Variants in MDFIC observed in about 807,000 individuals in gnomAD.
The protein encoded by MDFIC is MyoD family inhibitor domain containing.
A neutral mutation model predicts 23.2 loss-of-function variants in MDFIC; 17 were observed. The ratio of observed to expected loss-of-function variants is 0.73; its 90% CI spans 0.50 to 1.10. The LOEUF is 1.10. Ranked by LOEUF, MDFIC falls within the 50% of genes least tolerant of loss-of-function variation. The pLI, the probability that MDFIC is intolerant of heterozygous loss-of-function variation, is 0.00. For synonymous variants in MDFIC, 120 were observed against 115.2 expected (o/e 1.04, Z -0.27); for missense variants, 356 against 316.6 (o/e 1.12, Z -0.95).
chr7:114,981,406 A>G (rs1334807969), intron 4 of MDFIC, among the ~76,000 whole-genome samples: 1 of 152,174 alleles, frequency 6.6e-6, no homozygotes, highest in Non-Finnish European at 1.5e-5. Flanking sequence ...CATACGAAGG[A>G]GGAAGAAAAT....
chr7:114,922,464 G>C lies in MDFIC; in HGVS notation c.-280G>C. On this transcript the variant is annotated 5_prime_UTR_variant, in exon 1 of 5. Transcript: ENST00000393486. ...CCGCTGCCGCAGTTGCCGCCACTGC[G>C]GCGTCTGGGCTGAGCCGGAGGGAGG... The C allele has an allele frequency of 8.0e-7, 1 of 1,246,420 alleles. No homozygotes were observed. Among genetic ancestry groups the C allele is most frequent in the Non-Finnish European group, 1.0e-6 (1 of 989,350 alleles). 77.2% of individuals were successfully genotyped at this position (1,246,420 alleles called of 1,614,324 possible). A position where few individuals can be genotyped will look rare whatever the true frequency, so the allele number is the denominator to read the frequency against.
At chr7:115,002,146 A>AAAAC (rs149240333) in intron 4 of MDFIC, among the ~76,000 whole-genome samples, 9 of 152,076 alleles carry the variant, frequency 5.9e-5, no homozygotes, top group South Asian at 2.1e-4. Flanking sequence ...CAAAAAACAA[A>AAAAC]AAACAAACAA....
chr7:115,012,541 G>A (rs1791701426), intron 4 of MDFIC, among the ~76,000 whole-genome samples: 1 of 152,276 alleles, frequency 6.6e-6, no homozygotes, highest in African/African-American at 2.4e-5. Flanking sequence ...TTAAAGATGA[G>A]CAAGCCTGTG....
At chr7:114,989,841 T>C (rs532620762) in intron 4 of MDFIC, among the ~76,000 whole-genome samples, 101 of 152,262 alleles carry the variant, frequency 6.6e-4, no homozygotes, top group African/African-American at 2.0e-3. Context: ...TTATTGAGTT[T>C]GAATGGAGGG....
rs115394393 is a variant in MDFIC at position 115,002,466 on chromosome 7, T to A, written c.494-13222T>A. 9.8e-3 allele frequency among the ~76,000 whole-genome samples: 1,491 copies of A among 152,338 alleles called. 17 individuals carry two copies. The highest frequency in any genetic ancestry group is 0.033 in the African/African-American group (1,359 of 41,568). ...ACAAATCATTCTTGAGCACTTACTC[T>A]GTGGCAGATAAGTGCCACACTCTTC... On this transcript the variant is annotated intron_variant, in intron 4 of 4. Transcript: ENST00000393486.
chr7:115,008,966 C>T (rs573997225), intron 4 of MDFIC, among the ~76,000 whole-genome samples: 1 of 152,312 alleles, frequency 6.6e-6, no homozygotes, highest in African/African-American at 2.4e-5. Context: ...TGGGGAACAA[C>T]TGGGGGTGCT....
intron 4 of MDFIC, among the ~76,000 whole-genome samples, chr7:115,011,173 C>G (rs1235333739): frequency 6.6e-6 from 1 of 152,160 alleles, no homozygotes; most frequent in Non-Finnish European, 1.5e-5. Context: ...GATCCTGTTT[C>G]TGCTACTCAC....
intron 3 of MDFIC, among the ~76,000 whole-genome samples, chr7:114,953,865 A>G (rs1046275918): frequency 6.6e-6 from 1 of 152,194 alleles, no homozygotes; most frequent in Admixed American, 6.5e-5. Flanking sequence ...TTGTTATACT[A>G]TATTGTCTAG....
intron 3 of MDFIC, among the ~76,000 whole-genome samples, chr7:114,944,826 T>C (rs1019431122): frequency 1.1e-4 from 17 of 152,174 alleles, no homozygotes; most frequent in African/African-American, 3.1e-4. Flanking sequence ...GAGGGGAACA[T>C]CTGTGTTGAG....
chr7:114,957,840 C>A (rs1792912682), intron 3 of MDFIC, among the ~76,000 whole-genome samples: 1 of 152,106 alleles, frequency 6.6e-6, no homozygotes. Flanking sequence ...TATTTATAGG[C>A]CTGCTAGGAA....
At chr7:114,966,021 G>T (rs1793088331) in intron 3 of MDFIC, among the ~76,000 whole-genome samples, 2 of 152,208 alleles carry the variant, frequency 1.3e-5, no homozygotes, top group South Asian at 4.1e-4. Flanking sequence ...CTTCTAGAGA[G>T]AATGTTTAAA....
At chr7:114,973,406 T>C (rs1793247508) in intron 3 of MDFIC, among the ~76,000 whole-genome samples, 1 of 152,026 alleles carries the variant, frequency 6.6e-6, no homozygotes, top group Non-Finnish European at 1.5e-5. Context: ...AAACAAAGTA[T>C]AGAGAGGGCA....
intron 3 of MDFIC, among the ~76,000 whole-genome samples, chr7:114,969,682 T>C (rs575872876): frequency 7.2e-5 from 11 of 152,260 alleles, no homozygotes; most frequent in African/African-American, 2.2e-4. Flanking sequence ...TATGGTCTTG[T>C]TTTTGGCTGA....
intron 3 of MDFIC, among the ~76,000 whole-genome samples, chr7:114,975,280 A>C (rs1793289058): frequency 6.6e-6 from 1 of 152,088 alleles, no homozygotes; most frequent in Non-Finnish European, 1.5e-5. Flanking sequence ...CAGGCAAAAA[A>C]ATGAATAATT....
At chr7:114,935,807 A>T (rs1257362461) in intron 2 of MDFIC, among the ~76,000 whole-genome samples, 1 of 152,072 alleles carries the variant, frequency 6.6e-6, no homozygotes, top group African/African-American at 2.4e-5. Flanking sequence ...ACATACAGCT[A>T]CTCAGAGGAA....
At chr7:114,959,506 A>G (rs17137471) in intron 3 of MDFIC, among the ~76,000 whole-genome samples, 3,419 of 152,310 alleles carry the variant, frequency 0.022, 209 homozygotes, top group East Asian at 0.14. Flanking sequence ...CAGTTTGGAC[A>G]TATCTGCATG....
At chr7:114,929,952 G>T (rs1040759302) in intron 2 of MDFIC, among the ~76,000 whole-genome samples, 3 of 152,144 alleles carry the variant, frequency 2.0e-5, no homozygotes, top group Admixed American at 1.3e-4. Flanking sequence ...AAAAGGATAG[G>T]TGATAATCTA....
At chr7:114,963,186 G>T (rs570924110) in intron 3 of MDFIC, among the ~76,000 whole-genome samples, 3 of 152,134 alleles carry the variant, frequency 2.0e-5, no homozygotes, top group African/African-American at 7.2e-5. Flanking sequence ...TGGTAATGGC[G>T]TATATGGTAA....
chr7:114,977,906 A>T (rs1563147348), intron 3 of MDFIC, among the ~76,000 whole-genome samples: 1 of 147,888 alleles, frequency 6.8e-6, no homozygotes, highest in Non-Finnish European at 1.5e-5. Context: ...TTATTTATAT[A>T]TTTTATATAT....
Sources: gnomAD v4.1 joint callset for allele counts (sites outside exome capture counted in the v4.1 genomes callset) on GRCh38, gnomAD v4.1.1 for gene constraint, MANE v1.5 for transcripts, NCBI Gene and HGNC (gene_info 2026-07-23, HGNC 2026-07-21) for gene names.